The following POFUT3 variants were observed in gnomAD, a reference collection of about 807,000 sequenced individuals.
POFUT3 encodes protein O-fucosyltransferase 3.
the POFUT3 span, among the ~76,000 whole-genome samples, chr8:33,350,445 C>T: frequency 1.3e-5 from 2 of 152,070 alleles, no homozygotes; most frequent in Non-Finnish European, 2.9e-5. Flanking sequence ...AAATCCACGG[C>T]CAGCTCCTGA....
chr8:33,313,258 A>T, the POFUT3 span, among the ~76,000 whole-genome samples: 2 of 152,192 alleles, frequency 1.3e-5, no homozygotes, highest in Non-Finnish European at 2.9e-5. Context: ...TGGTTATTAC[A>T]GCAAAATACA....
chr8:33,419,664 T>C, the POFUT3 span, among the ~76,000 whole-genome samples: 1 of 152,136 alleles, frequency 6.6e-6, no homozygotes, highest in African/African-American at 2.4e-5. Context: ...TAACAAAATA[T>C]TACAGGTTCC....
At chr8:33,347,961 C>T in the POFUT3 span, among the ~76,000 whole-genome samples, 2 of 151,924 alleles carry the variant, frequency 1.3e-5, no homozygotes, top group African/African-American at 4.8e-5. Flanking sequence ...GTGGATCACT[C>T]AAGGTCAGGA....
At chr8:33,333,502 T>C in the POFUT3 span, among the ~76,000 whole-genome samples, 2 of 152,114 alleles carry the variant, frequency 1.3e-5, no homozygotes, top group East Asian at 3.8e-4. Context: ...TGGGGAATCA[T>C]ATAATGAAGG....
chr8:33,372,100 T>C, the POFUT3 span: 1,139 of 948,410 alleles, frequency 1.2e-3, 11 homozygotes, highest in African/African-American at 0.018. Context: ...CAGCTTTTAT[T>C]ACTCACTTAC....
the POFUT3 span, among the ~76,000 whole-genome samples, chr8:33,309,167 AATATAT>A: frequency 8.2e-3 from 438 of 53,628 alleles, 10 homozygotes; most frequent in Admixed American, 0.017. Context: ...AAAAAAAAAA[AATATAT>A]ATATATATAT....
chr8:33,374,022 G>T, the POFUT3 span, among the ~76,000 whole-genome samples: 2 of 152,182 alleles, frequency 1.3e-5, no homozygotes, highest in Admixed American at 1.3e-4. Context: ...CTGTTCCCTG[G>T]CCTGTTAGGA....
chr8:33,311,318 G>A, the POFUT3 span, among the ~76,000 whole-genome samples: 2 of 152,266 alleles, frequency 1.3e-5, no homozygotes, highest in Admixed American at 1.3e-4. Flanking sequence ...TTATGTACAA[G>A]AAGTTTTTAG....
the POFUT3 span, among the ~76,000 whole-genome samples, chr8:33,472,890 C>G: frequency 6.6e-6 from 1 of 152,230 alleles, no homozygotes. Flanking sequence ...CATTCCGTCT[C>G]TTACACGCAC....
the POFUT3 span, among the ~76,000 whole-genome samples, chr8:33,354,413 G>A: frequency 6.6e-6 from 1 of 152,150 alleles, no homozygotes. Flanking sequence ...AGGGCAGTAG[G>A]AGGATAATTC....
chr8:33,422,928 A>T, the POFUT3 span, among the ~76,000 whole-genome samples: 1 of 151,772 alleles, frequency 6.6e-6, no homozygotes, highest in South Asian at 2.1e-4. Flanking sequence ...CAATGCTCCC[A>T]CCTCAGCCCC....
At chr8:33,340,203 TA>T in the POFUT3 span, among the ~76,000 whole-genome samples, 1 of 151,682 alleles carries the variant, frequency 6.6e-6, no homozygotes, top group South Asian at 2.1e-4. Context: ...TGTAATATCT[TA>T]AAAAAAACAC....
chr8:33,459,816 T>A, the POFUT3 span, among the ~76,000 whole-genome samples: 2 of 152,166 alleles, frequency 1.3e-5, no homozygotes, highest in Non-Finnish European at 2.9e-5. Context: ...GCCAGCATTT[T>A]GTGAAGCCAA....
the POFUT3 span, among the ~76,000 whole-genome samples, chr8:33,426,730 A>T: frequency 6.6e-6 from 1 of 152,142 alleles, no homozygotes; most frequent in African/African-American, 2.4e-5. Context: ...CTCCTCTATG[A>T]CTACATTTGC....
At chr8:33,314,924 T>G in the POFUT3 span, among the ~76,000 whole-genome samples, 1 of 152,104 alleles carries the variant, frequency 6.6e-6, no homozygotes, top group Admixed American at 6.5e-5. Context: ...GCACATTGAG[T>G]GTATGGCTTT....
At chr8:33,387,213 T>C in the POFUT3 span, among the ~76,000 whole-genome samples, 1 of 152,124 alleles carries the variant, frequency 6.6e-6, no homozygotes, top group Non-Finnish European at 1.5e-5. Flanking sequence ...ATGTAATATT[T>C]AGTGTTCATG....
the POFUT3 span, among the ~76,000 whole-genome samples, chr8:33,458,854 C>T: frequency 6.6e-6 from 1 of 152,188 alleles, no homozygotes; most frequent in Admixed American, 6.5e-5. Context: ...TGCCTCTCAC[C>T]AGAATCCCAA....
At chr8:33,392,040 G>A in the POFUT3 span, among the ~76,000 whole-genome samples, 3 of 152,212 alleles carry the variant, frequency 2.0e-5, no homozygotes, top group Admixed American at 6.5e-5. Flanking sequence ...GTCTGCAGGG[G>A]TGCAGCTGCC....
At chr8:33,328,145 C>T in the POFUT3 span, among the ~76,000 whole-genome samples, 29 of 152,262 alleles carry the variant, frequency 1.9e-4, 2 homozygotes, top group African/African-American at 6.5e-4. Flanking sequence ...TTCAAGACAG[C>T]TTACATGTTT....
Sources: gnomAD v4.1 joint callset for allele counts (sites outside exome capture counted in the v4.1 genomes callset) on GRCh38, gnomAD v4.1.1 for gene constraint, MANE v1.5 for transcripts, NCBI Gene and HGNC (gene_info 2026-07-23, HGNC 2026-07-21) for gene names.